USP30: variants seen among roughly 807,000 people sequenced by gnomAD.
USP30 encodes the protein ubiquitin carboxyl-terminal hydrolase 30.
USP30 carries 41 observed loss-of-function variants against 68.2 expected under a neutral mutation model. The ratio of observed to expected loss-of-function variants is 0.60; its 90% confidence interval spans 0.47 to 0.78. The LOEUF is 0.78. USP30 is among the 30% of genes least tolerant of loss of function. The pLI, the probability that USP30 is intolerant of heterozygous loss-of-function variation, is 0.00. For missense variants in USP30, 522 were observed against 649.4 expected (o/e 0.80, Z 2.13); for synonymous variants, 229 against 253.7 (o/e 0.90, Z 0.93).
At chr12:109,037,986 T>C (rs2040533456) in intron 3 of USP30, among the ~76,000 whole-genome samples, 1 of 152,170 alleles carries the variant, frequency 6.6e-6, no homozygotes, top group Admixed American at 6.5e-5. Context: ...CCTGAATATC[T>C]GATTCCTCAG....
chr12:109,047,431 A>G (rs1566079525), intron 3 of USP30, among the ~76,000 whole-genome samples: 1 of 152,190 alleles, frequency 6.6e-6, no homozygotes. Flanking sequence ...ATTTTGAGAC[A>G]TTTATTATTG....
intron 3 of USP30, among the ~76,000 whole-genome samples, chr12:109,040,547 C>T (rs11066777): frequency 0.12 from 18,821 of 152,166 alleles, 1,526 homozygotes; most frequent in Middle Eastern, 0.21. Flanking sequence ...GCTGAGTTGG[C>T]TGGCTATTGC....
At chr12:109,064,230 A>C (rs1335015948) in intron 3 of USP30, among the ~76,000 whole-genome samples, 11 of 151,986 alleles carry the variant, frequency 7.2e-5, no homozygotes, top group Admixed American at 7.2e-4. Flanking sequence ...TCTGGGTATT[A>C]ATCCCTTATC....
intron 3 of USP30, among the ~76,000 whole-genome samples, chr12:109,044,073 A>G (rs1343332061): frequency 6.6e-6 from 1 of 152,246 alleles, no homozygotes; most frequent in Non-Finnish European, 1.5e-5. Context: ...ACCATAAATG[A>G]ACCTTGAGGA....
At chr12:109,057,412 A>G (rs1052520549) in intron 2 of USP30, among the ~76,000 whole-genome samples, 1 of 152,108 alleles carries the variant, frequency 6.6e-6, no homozygotes, top group Non-Finnish European at 1.5e-5. Context: ...AGCAGAAGAG[A>G]GAAGTATATT....
chr12:109,033,717 A>C, intron 3 of USP30, among the ~76,000 whole-genome samples: 1 of 152,204 alleles, frequency 6.6e-6, no homozygotes, highest in East Asian at 1.9e-4. Flanking sequence ...AGTCACTCCC[A>C]GATCCCTGGC....
At chr12:109,067,442 T>C in intron 3 of USP30, 82 bp from the exon 4 acceptor site, 1 of 1,249,578 alleles carries the variant, frequency 8.0e-7, no homozygotes, top group Non-Finnish European at 1.1e-6. Flanking sequence ...TTAATTAACT[T>C]TGATATGTTA....
Position 109,081,406 on chromosome 12 carries a change from T to G in USP30, c.780+13T>G. On this transcript the variant is annotated intron_variant, in intron 8 of 12. Coordinates refer to ENST00000257548, the MANE Select transcript of USP30 (RefSeq NM_032663.5). ...AGCCGCCACATGGGTATGTACTGAT[T>G]TATGGTTTATTTGGAGTCTGTTTCA... is the stretch of plus-strand genomic sequence containing the variant. The G allele has an allele frequency of 6.2e-7, 1 of 1,613,306 alleles. No homozygotes were observed. The highest frequency in any genetic ancestry group is 1.1e-5 in the South Asian group (1 of 90,852).
chr12:109,035,233 A>G (rs1440090538), intron 3 of USP30, among the ~76,000 whole-genome samples: 3 of 151,770 alleles, frequency 2.0e-5, no homozygotes, highest in Non-Finnish European at 2.9e-5. Context: ...TGTGTTCAAT[A>G]TATATTTTCT....
chr12:109,080,757 G>A (rs927009716), intron 7 of USP30, among the ~76,000 whole-genome samples: 23 of 152,076 alleles, frequency 1.5e-4, no homozygotes, highest in African/African-American at 9.7e-5. Context: ...TTATTGGTAC[G>A]GTACCTTTTC....
intron 3 of USP30, among the ~76,000 whole-genome samples, chr12:109,034,923 A>T (rs186202475): frequency 6.6e-6 from 1 of 152,234 alleles, no homozygotes; most frequent in African/African-American, 2.4e-5. Flanking sequence ...TTTGTCTGAT[A>T]TTAGTGTAAT....
chr12:109,047,920 G>A (rs772943440), upstream of USP30, among the ~76,000 whole-genome samples: 2 of 152,006 alleles, frequency 1.3e-5, no homozygotes, highest in African/African-American at 4.8e-5. Context: ...CTCCCTAAGG[G>A]TGCTCAAGAC....
Position 109,085,685 on chromosome 12 carries a change from C to G in USP30, c.1308C>G (p.Phe436Leu), listed in dbSNP as rs2041927094. The part of the protein sequence containing the change: ...VPDYSSSTYL[F>L]RLMAVVVHHG... ...CATTCAGCTCCTCCACATACCTCTT[C>G]CGGCTGATGGCAGTTGTCGTCCACC... Residue 436 changes from phenylalanine (F) to leucine (L), a missense_variant, in exon 13 of 13, where the codon TTC becomes TTG. By Grantham distance (22) the Phe-to-Leu change is conservative. Coordinates refer to ENST00000257548, the MANE Select transcript of USP30 (RefSeq NM_032663.5). 6.2e-7 allele frequency: 1 copy of G among 1,614,234 alleles called. No homozygotes were observed. Among genetic ancestry groups the G allele is most frequent in the Non-Finnish European group, 8.5e-7 (1 of 1,180,034 alleles).
intron 1 of USP30, among the ~76,000 whole-genome samples, chr12:109,056,199 GTTGTTT>G (rs779618510): frequency 6.8e-6 from 1 of 146,838 alleles, no homozygotes; most frequent in Non-Finnish European, 1.5e-5. Context: ...TGTTGTTGTT[GTTGTTT>G]TTTATGAGAC....
intron 2 of USP30, 31 bp downstream of exon 2, chr12:109,056,822 T>A (rs2040892321): frequency 6.6e-7 from 1 of 1,507,954 alleles, no homozygotes; most frequent in Non-Finnish European, 9.1e-7. Flanking sequence ...TCATGGTCTG[T>A]AGACTTGACC....
intron 3 of USP30, chr12:109,059,906 A>G (rs1270298512): frequency 6.6e-6 from 1 of 152,230 alleles, no homozygotes; most frequent in Non-Finnish European, 1.5e-5. Context: ...AGTGCAATGT[A>G]TGCACAAAGA....
At chr12:109,031,326 C>G (rs2040479656) in intron 3 of USP30, among the ~76,000 whole-genome samples, 1 of 152,250 alleles carries the variant, frequency 6.6e-6, no homozygotes. Flanking sequence ...TTGTCTTTGT[C>G]ATGCTGGATC....
chr12:109,059,326 C>T (rs2040983130), intron 3 of USP30, among the ~76,000 whole-genome samples: 1 of 152,010 alleles, frequency 6.6e-6, no homozygotes, highest in Non-Finnish European at 1.5e-5. Flanking sequence ...TCCTGAGTAG[C>T]TGGGATGACA....
chr12:109,041,239 T>C (rs1228813072), intron 3 of USP30, among the ~76,000 whole-genome samples: 3 of 152,208 alleles, frequency 2.0e-5, no homozygotes, highest in Non-Finnish European at 4.4e-5. Flanking sequence ...CAAATGCAAT[T>C]CTTGCTGGGG....
Sources: gnomAD v4.1 joint callset for allele counts (sites outside exome capture counted in the v4.1 genomes callset) on GRCh38, gnomAD v4.1.1 for gene constraint, MANE v1.5 for transcripts, NCBI Gene and HGNC (gene_info 2026-07-23, HGNC 2026-07-21) for gene names.